Variants in WDR3 observed in about 807,000 individuals in gnomAD.
The protein encoded by WDR3 is WD repeat domain 3, also known as WD repeat-containing protein 3.
In WDR3, 81 loss-of-function variants were observed where a neutral mutation model predicts 123.7. That is an observed-to-expected ratio of 0.65 (90% CI 0.55 to 0.79). WDR3 has a LOEUF of 0.79. Ranked by LOEUF, WDR3 falls within the 30% of genes least tolerant of loss-of-function variation. The pLI, the probability that WDR3 is intolerant of heterozygous loss-of-function variation, is 0.00. For missense variants in WDR3, 1,027 were observed against 1,123.2 expected, an observed-to-expected ratio of 0.91 and a Z score of 1.22; for synonymous variants, 390 against 388.8, an observed-to-expected ratio of 1.00 and a Z score of -0.04.
At position 117,955,374 on chromosome 1, in the gene WDR3, C is replaced by T. The variant is rs370870808; in HGVS notation, c.2453+16C>T. ...TCAAGTCGAGGTGAGTGAGTCCTTGCGCACAATTTTTGTAATCTGTCAGCA... is the reference window on the plus strand; with the variant it reads ...TCAAGTCGAGGTGAGTGAGTCCTTGTGCACAATTTTTGTAATCTGTCAGCA... On this transcript the variant is annotated intron_variant, in intron 24 of 26. Coordinates refer to ENST00000349139, the MANE Select transcript of WDR3 (RefSeq NM_006784.3). The T allele has an allele frequency of 5.3e-5, 85 of 1,609,464 alleles. No individual in the cohort carries two copies. Among genetic ancestry groups the T allele is most frequent in the South Asian group, 1.8e-4 (16 of 90,456 alleles).
chr1:117,934,242 T>C (rs182556764), intron 2 of WDR3, among the ~76,000 whole-genome samples: 37 of 152,348 alleles, frequency 2.4e-4, no homozygotes, highest in Non-Finnish European at 4.9e-4. Flanking sequence ...TACAACAACG[T>C]AGGGCTTTGG....
At position 117,929,768 on chromosome 1, in the gene WDR3, C is replaced by G. The variant is rs529289139; in HGVS notation, c.-47C>G. The G allele has an allele frequency of 6.6e-6, 1 of 152,410 alleles. No homozygotes were observed. The highest frequency in any genetic ancestry group is 1.5e-5 in the Non-Finnish European group (1 of 68,186). The allele number at this position is 152,410 out of a possible 1,614,324, so 9.4% of individuals were successfully genotyped here. A position where few individuals can be genotyped will look rare whatever the true frequency, so the allele number is the denominator to read the frequency against. Reference sequence around the variant, plus strand: ...TGGGCGGGTCCAATCGGCTGGGAGCCTCGTGGAGGCTGAGGTGAGTCCTGG... The same window carrying G: ...TGGGCGGGTCCAATCGGCTGGGAGCGTCGTGGAGGCTGAGGTGAGTCCTGG... On this transcript the variant is annotated 5_prime_UTR_variant, in exon 1 of 27. Transcript: ENST00000349139.
At chr1:117,950,205 G>C (rs1651559526) in intron 15 of WDR3, 75 bp downstream of exon 15, 2 of 1,576,198 alleles carry the variant, frequency 1.3e-6, no homozygotes, top group Non-Finnish European at 1.7e-6. Flanking sequence ...AGGCTATAAA[G>C]AAGTGGCCTT....
chr1:117,954,570 T>G lies in WDR3; in HGVS notation c.2362-10T>G. The G allele has an allele frequency of 6.2e-7, 1 of 1,612,032 alleles. No individual in the cohort carries two copies. Among genetic ancestry groups the G allele is most frequent in the Non-Finnish European group, 8.5e-7 (1 of 1,178,832 alleles). On this transcript the variant is annotated splice_polypyrimidine_tract_variant and intron_variant, in intron 22 of 26. Coordinates refer to ENST00000349139, the MANE Select transcript of WDR3 (RefSeq NM_006784.3). ...TTTTTTAATGACTTGATTTAATAATTTCTTCATAGGTTCCACTTCCCAGCA... is the reference window on the plus strand; with the variant it reads ...TTTTTTAATGACTTGATTTAATAATGTCTTCATAGGTTCCACTTCCCAGCA...
chr1:117,933,608 A>G (rs751235592), intron 2 of WDR3, 118 bp downstream of exon 2: 1 of 1,380,602 alleles, frequency 7.2e-7, no homozygotes, highest in Admixed American at 1.9e-5. Context: ...GTGCCCTTAG[A>G]AGAAAAATCT....
In WDR3 at chr1:117,933,424, A is replaced by G. The variant is rs765169913; in HGVS notation, c.105A>G (p.Lys35=). 6.2e-7 allele frequency: 1 copy of G among 1,614,234 alleles called. No homozygotes were observed. Among genetic ancestry groups the G allele is most frequent in the South Asian group, 1.1e-5 (1 of 91,090 alleles). ...TCTTTGTGACACTTCGTGGTGAGAAAGGACGTTATGTGGCAGTACCAGCTT... is the reference window on the plus strand; with the variant it reads ...TCTTTGTGACACTTCGTGGTGAGAAGGGACGTTATGTGGCAGTACCAGCTT... ...NIVFVTLRGE[K]GRYVAVPACE... is the part of the protein sequence containing the mutation. The change falls in exon 2 of 27, where the codon AAA becomes AAG. Residue 35 remains lysine, a synonymous_variant. Coordinates refer to ENST00000349139, the MANE Select transcript of WDR3 (RefSeq NM_006784.3).
chr1:117,940,896 G>C lies in WDR3; in HGVS notation c.745G>C (p.Glu249Gln). Residue 249 changes from glutamate (E) to glutamine (Q), a missense_variant, in exon 7 of 27, where the codon GAG (glutamate) becomes CAG (glutamine). Transcript: ENST00000349139. ...GSSPGIQDTL[E>Q]AEDGAFETDE... Reference sequence around the variant, plus strand: ...TTCTCCTGGAATACAAGATACTCTTGAGGCAGAGGATGGTGCCTTTGAGAC... The same window carrying C: ...TTCTCCTGGAATACAAGATACTCTTCAGGCAGAGGATGGTGCCTTTGAGAC... 6.2e-7 allele frequency: 1 copy of C among 1,614,078 alleles called. No homozygotes were observed.
intron 3 of WDR3, among the ~76,000 whole-genome samples, chr1:117,936,551 A>C (rs1398081309): frequency 1.3e-5 from 2 of 152,124 alleles, no homozygotes; most frequent in African/African-American, 4.8e-5. Context: ...AATAACCTGG[A>C]TTATACATAA....
intron 1 of WDR3, 36 bp from the exon 2 acceptor site, chr1:117,933,252 C>T: frequency 6.4e-7 from 1 of 1,572,564 alleles, no homozygotes; most frequent in Admixed American, 1.8e-5. Context: ...AACCAAGGCA[C>T]CCAAGGAGCT....
Position 117,961,642 on chromosome 1 carries a change from T to G in WDR3, c.*2195T>G, listed in dbSNP as rs6685906. 74,839 of 152,016 alleles carry G rather than the reference T, an allele frequency of 0.49. 18,634 individuals are homozygous for G. Among genetic ancestry groups the G allele is most frequent in the South Asian group, 0.63 (3,052 of 4,816 alleles). The allele number at this position is 152,016 out of a possible 1,614,324, so 9.4% of individuals were successfully genotyped here. On this transcript the variant is annotated 3_prime_UTR_variant, in exon 27 of 27. Transcript: ENST00000349139. The stretch of plus-strand genomic sequence containing the variant: ...GCCACCATTTTCTTCTAGGCTCAGA[T>G]ATGCAGTCCTTGTGGCTTGCCGATT...
At chr1:117,952,873 C>T (rs745664393) in intron 19 of WDR3, 73 bp from the exon 20 acceptor site, 31 of 1,556,768 alleles carry the variant, frequency 2.0e-5, no homozygotes, top group Non-Finnish European at 2.4e-5. Context: ...AGCAGCTTCT[C>T]GCTTCCTCAT....
At position 117,952,676 on chromosome 1, in the gene WDR3, G is replaced by A. The variant is rs2101223680; in HGVS notation, c.2151+14G>A. On this transcript the variant is annotated intron_variant, in intron 19 of 26. Coordinates refer to ENST00000349139, the MANE Select transcript of WDR3 (RefSeq NM_006784.3). The stretch of plus-strand genomic sequence containing the variant: ...GAAAGGGAGATGGTAAGAACTTTAG[G>A]CTTGGTTACAAATATGCCAGTAGGT... 2.5e-6 allele frequency: 4 copies of A among 1,610,542 alleles called. No homozygotes were observed. In the Admixed American group the frequency reaches 6.7e-5, roughly 27 times the overall value.
rs764659079 is a variant in WDR3, at chr1:117,958,872, CCT to C, written c.2583-33_2583-32del. On this transcript the variant is annotated intron_variant, in intron 25 of 26. Transcript: ENST00000349139. Reference sequence around the variant, plus strand: ...CTAGAAGGGTTAAGTAGGGCTAGAACCTCTCTGCAACATGGCTGTGTTTTGTT... The same window carrying C: ...CTAGAAGGGTTAAGTAGGGCTAGAACCTCTGCAACATGGCTGTGTTTTGTT... The C allele has an allele frequency of 8.9e-6, 14 of 1,566,794 alleles. 1 individual carries two copies. In the East Asian group the frequency reaches 1.4e-4, roughly 15 times the overall value.
chr1:117,957,037 G>A (rs372283184), intron 24 of WDR3, 31 bp from the exon 25 acceptor site: 8 of 1,529,740 alleles, frequency 5.2e-6, no homozygotes, highest in South Asian at 1.3e-5. Flanking sequence ...TAACAAATGT[G>A]GCATTTTTAT....
Position 117,942,496 on chromosome 1 carries a change from A to T in WDR3, c.1049A>T (p.Gln350Leu). The change falls in exon 10 of 27, where the codon CAA becomes CTA. Residue 350 changes from glutamine to leucine, a missense_variant. Physicochemically the swap from Gln to Leu is moderately radical, Grantham distance 113. Coordinates refer to ENST00000349139, the MANE Select transcript of WDR3 (RefSeq NM_006784.3). ...DPEVNVEMSL[Q>L]DEIQRVTNIK... ...GAGGTTAATGTTGAAATGAGTCTGC[A>T]AGATGAAATCCAGCGGGTGACTAAT... The T allele has an allele frequency of 6.2e-7, 1 of 1,614,092 alleles. No individual in the cohort carries two copies. Among genetic ancestry groups the T allele is most frequent in the Non-Finnish European group, 8.5e-7 (1 of 1,179,966 alleles).
At chr1:117,938,199 T>A (rs570378421) in intron 4 of WDR3, among the ~76,000 whole-genome samples, 2 of 152,278 alleles carry the variant, frequency 1.3e-5, no homozygotes, top group Admixed American at 6.5e-5. Context: ...ATGGAAATGA[T>A]AGGAGGAAGG....
chr1:117,941,257 G>A (rs1651161588), intron 8 of WDR3, 32 bp downstream of exon 8: 1 of 1,599,184 alleles, frequency 6.3e-7, no homozygotes, highest in Non-Finnish European at 8.6e-7. Flanking sequence ...AAATAACAAG[G>A]ACTAGGCTGT....
At position 117,965,341 on chromosome 1, in the gene WDR3, C is replaced by T. The variant is rs557247185; in HGVS notation, c.*5894C>T. On this transcript the variant is annotated 3_prime_UTR_variant, in exon 27 of 27. Coordinates refer to ENST00000349139, the MANE Select transcript of WDR3 (RefSeq NM_006784.3). ...CTCTTCTTCCTCCTGCTCCCTAAACCGACTCCAGATTTCTGTTCCTTGCCC... is the reference window on the plus strand; with the variant it reads ...CTCTTCTTCCTCCTGCTCCCTAAACTGACTCCAGATTTCTGTTCCTTGCCC... 2 of 152,326 alleles carry T rather than the reference C, an allele frequency of 1.3e-5. No individual in the cohort carries two copies. Among genetic ancestry groups the T allele is most frequent in the South Asian group, 2.1e-4 (1 of 4,822 alleles). 9.4% of individuals were successfully genotyped at this position (152,326 alleles called of 1,614,324 possible).
intron 9 of WDR3, 27 bp from the exon 10 acceptor site, chr1:117,942,410 A>C: frequency 2.5e-6 from 4 of 1,589,834 alleles, no homozygotes; most frequent in Non-Finnish European, 3.4e-6. Flanking sequence ...AAATAAGAGC[A>C]TGATATACTT....
Sources: gnomAD v4.1 joint callset for allele counts (sites outside exome capture counted in the v4.1 genomes callset) on GRCh38, gnomAD v4.1.1 for gene constraint, MANE v1.5 for transcripts, NCBI Gene and HGNC (gene_info 2026-07-23, HGNC 2026-07-21) for gene names.